The following KAZN variants were observed in gnomAD, a reference collection of about 807,000 sequenced individuals.
KAZN encodes kazrin.
KAZN carries 40 observed loss-of-function variants against 87.4 expected under a neutral mutation model. The ratio of observed to expected loss-of-function variants is 0.46; its 90% CI spans 0.36 to 0.60. The LOEUF (loss-of-function observed/expected upper bound fraction) is 0.60, where lower values mean the gene tolerates loss of function less well. Ranked by LOEUF, KAZN falls within the 20% of genes least tolerant of loss-of-function variation. KAZN has a pLI of 0.00. For synonymous variants in KAZN, 466 were observed against 458.3 expected (o/e 1.02, Z -0.22); for missense variants, 898 against 1,073.9 (o/e 0.84, Z 2.29).
chr1:14,382,444 A>C (rs1262964307), intron 2 of KAZN, among the ~76,000 whole-genome samples: 1 of 120,068 alleles, frequency 8.3e-6, no homozygotes, highest in Non-Finnish European at 1.7e-5. Context: ...CATTAGGTAT[A>C]TCTCCCAATG....
intron 2 of KAZN, among the ~76,000 whole-genome samples, chr1:14,547,434 G>A (rs1018126113): frequency 6.6e-6 from 1 of 152,154 alleles, no homozygotes; most frequent in African/African-American, 2.4e-5. Context: ...TTCCTGGTCT[G>A]AGTTTCTCCA....
At chr1:14,131,072 A>G (rs115172722) in intron 1 of KAZN, among the ~76,000 whole-genome samples, 2,952 of 152,246 alleles carry the variant, frequency 0.019, 101 homozygotes, top group African/African-American at 0.067. Flanking sequence ...GCAGAAGGTG[A>G]AGCGGAAGCA....
At chr1:14,447,893 C>A (rs145983682) in intron 2 of KAZN, among the ~76,000 whole-genome samples, 36 of 152,276 alleles carry the variant, frequency 2.4e-4, no homozygotes, top group African/African-American at 8.4e-4. Flanking sequence ...CTAAAAAGTA[C>A]CTGAAAAGAA....
chr1:14,632,240 A>G (rs971214032), intron 1 of KAZN, among the ~76,000 whole-genome samples: 8 of 152,214 alleles, frequency 5.3e-5, no homozygotes, highest in Admixed American at 2.0e-4. Flanking sequence ...CAGTCAAAAC[A>G]TGTTTTGAAT....
At chr1:13,913,006 A>G (rs1467321381) in intron 1 of KAZN, among the ~76,000 whole-genome samples, 1 of 152,200 alleles carries the variant, frequency 6.6e-6, no homozygotes, top group Non-Finnish European at 1.5e-5. Context: ...ATGGCCCCTA[A>G]GAAGATTGGC....
At chr1:14,495,327 C>T (rs750444567) in intron 2 of KAZN, among the ~76,000 whole-genome samples, 4 of 152,122 alleles carry the variant, frequency 2.6e-5, no homozygotes, top group South Asian at 4.1e-4. Context: ...TCAATCAGAC[C>T]TTCCTTTCAA....
At chr1:14,393,349 T>A (rs537819476) in intron 2 of KAZN, among the ~76,000 whole-genome samples, 1 of 152,196 alleles carries the variant, frequency 6.6e-6, no homozygotes, top group Non-Finnish European at 1.5e-5. Context: ...TATATTGCTA[T>A]TATCATCATG....
chr1:13,942,045 A>G (rs71510951), intron 1 of KAZN, among the ~76,000 whole-genome samples: 21,081 of 152,114 alleles, frequency 0.14, 1,545 homozygotes, highest in Middle Eastern at 0.22. Flanking sequence ...ATTGAAATTA[A>G]GGTCTGCTAA....
intron 1 of KAZN, among the ~76,000 whole-genome samples, chr1:13,921,825 G>A (rs1640079468): frequency 6.6e-6 from 1 of 152,038 alleles, no homozygotes. Flanking sequence ...TAGAGATGGG[G>A]TTTCACTGTG....
At chr1:14,265,524 C>G (rs1651406012) in intron 2 of KAZN, among the ~76,000 whole-genome samples, 1 of 152,186 alleles carries the variant, frequency 6.6e-6, no homozygotes, top group Non-Finnish European at 1.5e-5. Context: ...AGGGAACAGT[C>G]AAGTGACCAC....
chr1:14,006,672 A>T (rs1222781389), intron 1 of KAZN, among the ~76,000 whole-genome samples: 5 of 151,892 alleles, frequency 3.3e-5, no homozygotes, highest in African/African-American at 1.2e-4. Context: ...TTTACTTCTG[A>T]GCTCTATATT....
intron 2 of KAZN, among the ~76,000 whole-genome samples, chr1:14,433,010 G>A (rs946590094): frequency 2.7e-5 from 4 of 150,472 alleles, no homozygotes; most frequent in Admixed American, 6.6e-5. Flanking sequence ...GTAGGTGGTT[G>A]TGCACACACA....
chr1:14,418,623 A>G (rs1665043469), intron 2 of KAZN, among the ~76,000 whole-genome samples: 1 of 152,190 alleles, frequency 6.6e-6, no homozygotes, highest in Admixed American at 6.5e-5. Flanking sequence ...TTTATAGACA[A>G]TCTGATTTTC....
At chr1:13,902,133 G>A (rs1008821768) in intron 1 of KAZN, among the ~76,000 whole-genome samples, 8 of 152,254 alleles carry the variant, frequency 5.3e-5, no homozygotes, top group African/African-American at 1.7e-4. Flanking sequence ...AAGGCAAGAG[G>A]GATGTCTCTG....
At chr1:14,547,795 C>G (rs374738226) in intron 2 of KAZN, among the ~76,000 whole-genome samples, 1 of 151,902 alleles carries the variant, frequency 6.6e-6, no homozygotes, top group African/African-American at 2.4e-5. Context: ...TTCACCATGT[C>G]GACCAGGATG....
chr1:14,911,331 T>C (rs1449764614), intron 1 of KAZN, among the ~76,000 whole-genome samples: 2 of 152,212 alleles, frequency 1.3e-5, no homozygotes, highest in Non-Finnish European at 2.9e-5. Context: ...AGAAGTGAGA[T>C]TGAATTCATG....
At chr1:15,070,577 T>A (rs925871378) in intron 8 of KAZN, among the ~76,000 whole-genome samples, 1 of 152,202 alleles carries the variant, frequency 6.6e-6, no homozygotes, top group Non-Finnish European at 1.5e-5. Context: ...TGACAAACGG[T>A]ATCGTGCCCG....
intron 1 of KAZN, among the ~76,000 whole-genome samples, chr1:13,999,986 G>T (rs532295703): frequency 2.0e-5 from 3 of 152,134 alleles, no homozygotes; most frequent in Non-Finnish European, 2.9e-5. Flanking sequence ...ACCTTCCCAA[G>T]ACTAAACCAG....
At chr1:14,892,414 C>T (rs1015651350) in intron 1 of KAZN, among the ~76,000 whole-genome samples, 1 of 151,728 alleles carries the variant, frequency 6.6e-6, no homozygotes, top group Non-Finnish European at 1.5e-5. Context: ...CCCCTCCCCC[C>T]TGCTGTCTCT....
Sources: gnomAD v4.1 joint callset for allele counts (sites outside exome capture counted in the v4.1 genomes callset) on GRCh38, gnomAD v4.1.1 for gene constraint, MANE v1.5 for transcripts, NCBI Gene and HGNC (gene_info 2026-07-23, HGNC 2026-07-21) for gene names.